The following PCDH9 variants were observed in gnomAD, a reference collection of about 807,000 sequenced individuals.
The protein encoded by PCDH9 is protocadherin 9.
In PCDH9, 24 loss-of-function variants were observed where a neutral mutation model predicts 70.6. That is an observed-to-expected ratio of 0.34 (90% CI 0.25 to 0.48). The LOEUF (loss-of-function observed/expected upper bound fraction) is 0.48, where lower values mean the gene tolerates loss of function less well. Ranked by LOEUF, PCDH9 falls within the 20% of genes least tolerant of loss-of-function variation. PCDH9 has a pLI of 0.99. For synonymous variants in PCDH9, 562 were observed against 558.5 expected (o/e 1.01, Z -0.09); for missense variants, 1,281 against 1,503.6 (o/e 0.85, Z 2.45).
At position 66,383,438 on chromosome 13, in the gene PCDH9, G is replaced by T. The variant is rs201874256; in HGVS notation, c.3341-78410C>A. Reference sequence around the variant, plus strand: ...GGGGAAGGTACAATGTCATTTTCAAGGGTAGTGCTCATCAAAGTCAACTTG... The same window carrying T: ...GGGGAAGGTACAATGTCATTTTCAATGGTAGTGCTCATCAAAGTCAACTTG... On this transcript the variant is annotated intron_variant, in intron 4 of 4. Transcript: ENST00000377865. Among the ~76,000 whole-genome samples the T allele has an allele frequency of 7.9e-5, 12 of 152,246 alleles. 1 individual carries two copies. In the East Asian group the frequency reaches 2.3e-3, roughly 29 times the overall value.
At position 67,174,424 on chromosome 13, in the gene PCDH9, C is replaced by A. The variant is rs562759174; in HGVS notation, c.3036+50981G>T. ...AGAAAGCTCAGTTAAGAAGTCTGTGCTGCTCTTATTATAGATTATAAACAG... is the reference window on the plus strand; with the variant it reads ...AGAAAGCTCAGTTAAGAAGTCTGTGATGCTCTTATTATAGATTATAAACAG... On this transcript the variant is annotated intron_variant, in intron 2 of 4. Coordinates refer to ENST00000377865, the MANE Select transcript of PCDH9 (RefSeq NM_203487.3). 5.3e-5 allele frequency among the ~76,000 whole-genome samples: 8 copies of A among 152,114 alleles called. 1 individual carries two copies. In the South Asian group the frequency reaches 1.7e-3, roughly 32 times the overall value.
chr13:67,184,288 G>T (rs1047076796), intron 2 of PCDH9, among the ~76,000 whole-genome samples: 4 of 152,118 alleles, frequency 2.6e-5, no homozygotes, highest in South Asian at 4.1e-4. Flanking sequence ...GAAGGTGAAG[G>T]TTATAATGAA....
intron 4 of PCDH9, among the ~76,000 whole-genome samples, chr13:66,313,388 C>T (rs148859645): frequency 1.3e-5 from 2 of 152,260 alleles, no homozygotes; most frequent in East Asian, 3.9e-4. Context: ...TGCATTGTTT[C>T]TCAGACAAAC....
At chr13:66,858,878 C>T (rs1327828780) in intron 3 of PCDH9, 1 of 152,200 alleles carries the variant, frequency 6.6e-6, no homozygotes, top group Non-Finnish European at 1.5e-5. Context: ...TGGCTGACAA[C>T]AGACACTTAA....
chr13:66,996,570 T>C (rs2084120503), intron 2 of PCDH9, among the ~76,000 whole-genome samples: 2 of 152,214 alleles, frequency 1.3e-5, no homozygotes, highest in South Asian at 4.1e-4. Context: ...TAAGCATTGC[T>C]AGTGTGAGAG....
rs1269367250 is a variant in PCDH9, at chr13:66,890,138, A to G, written c.3138+13366T>C. On this transcript the variant is annotated intron_variant, in intron 3 of 4. Coordinates refer to ENST00000377865, the MANE Select transcript of PCDH9 (RefSeq NM_203487.3). ...TATCATGTCACTAATGAAAGATATT[A>G]GATGTTCTCTACATGGAAAAGAAAA... Among the ~76,000 whole-genome samples, 5 of 152,190 alleles carry G rather than the reference A, an allele frequency of 3.3e-5. No homozygotes were observed. The East Asian group carries it at 7.7e-4, about 23-fold the overall frequency.
intron 2 of PCDH9, among the ~76,000 whole-genome samples, chr13:67,130,930 C>T (rs2087098892): frequency 1.3e-5 from 2 of 152,120 alleles, no homozygotes; most frequent in South Asian, 2.1e-4. Context: ...CTTTAACCTT[C>T]GCCTTCCCTT....
At chr13:66,637,547 G>A (rs1453274132) in intron 3 of PCDH9, among the ~76,000 whole-genome samples, 1 of 152,092 alleles carries the variant, frequency 6.6e-6, no homozygotes, top group African/African-American at 2.4e-5. Flanking sequence ...GCTGTTTATT[G>A]GAAGTACTTA....
At chr13:66,679,537 T>C (rs942236155) in intron 3 of PCDH9, among the ~76,000 whole-genome samples, 2 of 151,096 alleles carry the variant, frequency 1.3e-5, no homozygotes, top group African/African-American at 4.9e-5. Flanking sequence ...GTGTGTTTAA[T>C]TTTTTTTTGC....
intron 4 of PCDH9, among the ~76,000 whole-genome samples, chr13:66,432,194 A>G (rs970746087): frequency 2.0e-5 from 3 of 152,042 alleles, no homozygotes; most frequent in African/African-American, 7.2e-5. Context: ...GTAAACTTCA[A>G]CCACATAAAA....
intron 4 of PCDH9, among the ~76,000 whole-genome samples, chr13:66,438,221 G>A (rs1401461187): frequency 7.4e-5 from 11 of 149,392 alleles, no homozygotes; most frequent in Admixed American, 4.6e-4. Context: ...GTGACAGAGC[G>A]AGACTCCGGC....
At chr13:66,900,704 T>C (rs531913625) in intron 3 of PCDH9, among the ~76,000 whole-genome samples, 1 of 151,896 alleles carries the variant, frequency 6.6e-6, no homozygotes, top group Admixed American at 6.6e-5. Flanking sequence ...AGTGTCATAA[T>C]ATAAATTTAA....
chr13:67,184,547 G>A (rs1415346221), intron 2 of PCDH9, among the ~76,000 whole-genome samples: 1 of 152,056 alleles, frequency 6.6e-6, no homozygotes, highest in Non-Finnish European at 1.5e-5. Context: ...AGAGCAATAC[G>A]GTGAAACCCC....
At chr13:66,471,937 G>A (rs1337721490) in intron 4 of PCDH9, among the ~76,000 whole-genome samples, 5 of 152,086 alleles carry the variant, frequency 3.3e-5, no homozygotes, top group Non-Finnish European at 5.9e-5. Context: ...GTGGCCGGGC[G>A]CAGTGGTTCG....
chr13:66,716,872 C>T (rs1241251836), intron 3 of PCDH9, among the ~76,000 whole-genome samples: 3 of 152,100 alleles, frequency 2.0e-5, no homozygotes, highest in Non-Finnish European at 4.4e-5. Context: ...AAAGTGTCCA[C>T]ATGGTAATAT....
intron 3 of PCDH9, among the ~76,000 whole-genome samples, chr13:66,802,773 T>G (rs1731675779): frequency 6.6e-6 from 1 of 152,094 alleles, no homozygotes; most frequent in Non-Finnish European, 1.5e-5. Context: ...ATATAACAAT[T>G]TCTTACAGTT....
chr13:66,996,041 A>T (rs2084107509), intron 2 of PCDH9, among the ~76,000 whole-genome samples: 3 of 152,330 alleles, frequency 2.0e-5, no homozygotes, highest in Non-Finnish European at 2.9e-5. Context: ...TGTGAACAAC[A>T]CTGTCTAGTC....
intron 4 of PCDH9, among the ~76,000 whole-genome samples, chr13:66,598,554 A>T (rs1448869045): frequency 1.3e-5 from 2 of 151,798 alleles, no homozygotes; most frequent in South Asian, 2.1e-4. Flanking sequence ...TTATGCAACA[A>T]GTTTAGTTTA....
At chr13:66,480,955 A>G (rs1052466662) in intron 4 of PCDH9, among the ~76,000 whole-genome samples, 1 of 152,182 alleles carries the variant, frequency 6.6e-6, no homozygotes, top group Non-Finnish European at 1.5e-5. Flanking sequence ...TGTGGCACAT[A>G]TACACCATGG....
Sources: gnomAD v4.1 joint callset for allele counts (sites outside exome capture counted in the v4.1 genomes callset) on GRCh38, gnomAD v4.1.1 for gene constraint, MANE v1.5 for transcripts, NCBI Gene and HGNC (gene_info 2026-07-23, HGNC 2026-07-21) for gene names.